ADGB: variants seen among roughly 807,000 people sequenced by gnomAD.
ADGB encodes androglobin, also known as calpain-7-like protein.
Under a neutral mutation model 210.5 loss-of-function variants are expected in ADGB, and 172 were observed. The ratio of observed to expected loss-of-function variants is 0.82; its 90% CI spans 0.72 to 0.93. The LOEUF (loss-of-function observed/expected upper bound fraction) is 0.93. Ranked by LOEUF, ADGB falls within the 40% of genes least tolerant of loss-of-function variation. The pLI, the probability that ADGB is intolerant of heterozygous loss-of-function variation, is 0.00. For missense variants in ADGB, 2,025 were observed against 1,964.8 expected, an observed-to-expected ratio of 1.03 and a Z score of -0.58; for synonymous variants, 658 against 662.7, an observed-to-expected ratio of 0.99 and a Z score of 0.11.
intron 23 of ADGB, among the ~76,000 whole-genome samples, chr6:146,739,911 A>G (rs914235557): frequency 4.6e-5 from 7 of 152,232 alleles, no homozygotes; most frequent in Admixed American, 6.5e-5. Flanking sequence ...CCTCAGCTCC[A>G]TAATTAGTTT....
chr6:146,644,514 T>G lies in ADGB; in HGVS notation c.238-259T>G, dbSNP rs916414733. Among the ~76,000 whole-genome samples, 26 of 151,864 alleles carry G rather than the reference T, an allele frequency of 1.7e-4. 1 individual carries two copies. Among genetic ancestry groups the G allele is most frequent in the African/African-American group, 5.3e-4 (22 of 41,404 alleles). On this transcript the variant is annotated intron_variant, in intron 2 of 35. Coordinates refer to ENST00000397944, the MANE Select transcript of ADGB (RefSeq NM_024694.4). ...GCATCTCATGCTTGTTTAGGCTACC[T>G]CCTATACAATCAAAATGCTACTCAA...
chr6:146,672,548 G>T, intron 8 of ADGB, 81 bp downstream of exon 8: 1 of 1,437,092 alleles, frequency 7.0e-7, no homozygotes. Context: ...TGTGTTGCTG[G>T]AAAGAGTGGT....
At chr6:146,646,698 G>T (rs541011966) in intron 3 of ADGB, among the ~76,000 whole-genome samples, 143 of 152,194 alleles carry the variant, frequency 9.4e-4, no homozygotes, top group African/African-American at 3.4e-3. Flanking sequence ...TTATAATTTT[G>T]ATAAGTTTCA....
At chr6:146,670,711 G>C (rs925220233) in intron 7 of ADGB, among the ~76,000 whole-genome samples, 14 of 152,078 alleles carry the variant, frequency 9.2e-5, no homozygotes, top group African/African-American at 3.4e-4. Context: ...CACAAGAACA[G>C]GGACCCTCTT....
chr6:146,680,919 A>G (rs142005599), intron 9 of ADGB, among the ~76,000 whole-genome samples: 249 of 152,220 alleles, frequency 1.6e-3, no homozygotes, highest in African/African-American at 5.5e-3. Context: ...TATGCCTCCT[A>G]TACTCTAGCA....
At chr6:146,774,229 G>A (rs1777691917) in intron 29 of ADGB, among the ~76,000 whole-genome samples, 2 of 152,000 alleles carry the variant, frequency 1.3e-5, no homozygotes, top group Admixed American at 6.6e-5. Context: ...TGGAAAACTA[G>A]ATAAAAACAT....
At chr6:146,756,802 A>T (rs1473133882) in intron 27 of ADGB, among the ~76,000 whole-genome samples, 1 of 151,724 alleles carries the variant, frequency 6.6e-6, no homozygotes, top group Non-Finnish European at 1.5e-5. Context: ...ATCTCAGATC[A>T]CTGCAACCTC....
intron 1 of ADGB, among the ~76,000 whole-genome samples, chr6:146,621,602 C>G (rs898007919): frequency 4.6e-5 from 7 of 152,168 alleles, no homozygotes; most frequent in Non-Finnish European, 1.0e-4. Flanking sequence ...TTCTCTGATG[C>G]CCTAATGGGT....
At chr6:146,610,712 C>T (rs1294377286) in intron 1 of ADGB, among the ~76,000 whole-genome samples, 1 of 152,160 alleles carries the variant, frequency 6.6e-6, no homozygotes, top group Non-Finnish European at 1.5e-5. Flanking sequence ...GCACCTTCTG[C>T]ATTGGAGGGG....
chr6:146,661,708 C>T (rs1007953455), intron 5 of ADGB, among the ~76,000 whole-genome samples: 2 of 151,818 alleles, frequency 1.3e-5, no homozygotes, highest in African/African-American at 4.8e-5. Flanking sequence ...CTTTCTCATT[C>T]TTGATGTTCC....
intron 1 of ADGB, among the ~76,000 whole-genome samples, chr6:146,614,199 CCCTTCCTCCCTTCCTTCCTCCCTT>C (rs200033088): frequency 3.2e-4 from 32 of 100,974 alleles, no homozygotes; most frequent in African/African-American, 9.4e-4. Context: ...CTCCCTCCCT[CCCTTCCTCCCTTCCTTCCTCCCTT>C]CCTTCCTTCC....
At chr6:146,793,650 C>T (rs552363377) in intron 33 of ADGB, among the ~76,000 whole-genome samples, 69 of 152,188 alleles carry the variant, frequency 4.5e-4, no homozygotes, top group South Asian at 1.5e-3. Context: ...GGCCCGAAGG[C>T]GAGTAATAGC....
At chr6:146,601,586 G>A (rs1031430803) in intron 1 of ADGB, among the ~76,000 whole-genome samples, 9 of 152,232 alleles carry the variant, frequency 5.9e-5, no homozygotes, top group South Asian at 2.1e-4. Context: ...AAAATACACC[G>A]GGAGATTTAG....
chr6:146,750,218 T>A lies in ADGB; in HGVS notation c.3366-2312T>A, dbSNP rs541145803. On this transcript the variant is annotated intron_variant, in intron 26 of 35. Coordinates refer to ENST00000397944, the MANE Select transcript of ADGB (RefSeq NM_024694.4). ...TAAAGATAGGAGAGAACTGTACTTA[T>A]GCACAAACTAATTTCAAGGAGGAAT... Among the ~76,000 whole-genome samples, 12 of 152,222 alleles carry A rather than the reference T, an allele frequency of 7.9e-5. 1 individual carries two copies. The highest frequency in any genetic ancestry group is 6.6e-4 in the Admixed American group (10 of 15,266).
At chr6:146,728,871 T>C (rs1776938122) in intron 20 of ADGB, 130 bp downstream of exon 20, 1 of 771,542 alleles carries the variant, frequency 1.3e-6, no homozygotes, top group Non-Finnish European at 1.9e-6. Flanking sequence ...ATTTGGGAAG[T>C]GATTTCAGAA....
intron 9 of ADGB, among the ~76,000 whole-genome samples, chr6:146,680,368 T>C (rs1583587279): frequency 6.6e-6 from 1 of 152,180 alleles, no homozygotes; most frequent in East Asian, 1.9e-4. Flanking sequence ...TCAAGAAGGT[T>C]CATTTTGTAC....
At chr6:146,701,214 T>G (rs754463578) in intron 13 of ADGB, 144 bp downstream of exon 13, 12 of 946,778 alleles carry the variant, frequency 1.3e-5, no homozygotes, top group Non-Finnish European at 1.8e-5. Context: ...AAATCTCTTA[T>G]GTATCTATCA....
chr6:146,803,816 G>C, intron 35 of ADGB: 1 of 511,382 alleles, frequency 2.0e-6, no homozygotes, highest in Non-Finnish European at 3.5e-6. Flanking sequence ...TCTGGGCCGA[G>C]TCCCACTCAG....
intron 27 of ADGB, 43 bp from the exon 28 acceptor site, chr6:146,763,858 A>G (rs1777535042): frequency 1.4e-6 from 2 of 1,468,848 alleles, no homozygotes; most frequent in Admixed American, 2.1e-5. Context: ...ATAACTATGT[A>G]TATCACATAT....
Sources: gnomAD v4.1 joint callset for allele counts (sites outside exome capture counted in the v4.1 genomes callset) on GRCh38, gnomAD v4.1.1 for gene constraint, MANE v1.5 for transcripts, NCBI Gene and HGNC (gene_info 2026-07-23, HGNC 2026-07-21) for gene names.